Variants in CACNA2D1 observed in about 807,000 individuals in gnomAD.
CACNA2D1 encodes voltage-dependent calcium channel subunit alpha-2/delta-1.
A neutral mutation model predicts 171.5 loss-of-function variants in CACNA2D1; 53 were observed. The ratio of observed to expected loss-of-function variants is 0.31; its 90% CI spans 0.25 to 0.39. The LOEUF is 0.39. CACNA2D1 is among the 10% of genes least tolerant of loss of function. The pLI, the probability that CACNA2D1 is intolerant of heterozygous loss-of-function variation, is 1.00. For missense variants in CACNA2D1, 903 were observed against 1,299.8 expected, an observed-to-expected ratio of 0.69 and a Z score of 4.69; for synonymous variants, 442 against 443.1, an observed-to-expected ratio of 1.00 and a Z score of 0.03.
intron 9 of CACNA2D1, among the ~76,000 whole-genome samples, chr7:82,060,799 A>G (rs961031507): frequency 2.0e-5 from 3 of 152,092 alleles, no homozygotes; most frequent in Non-Finnish European, 4.4e-5. Context: ...AAAAAAAAAT[A>G]TGGATACTGA....
chr7:82,186,189 A>AAGGGAGGGAGGGAGGG lies in CACNA2D1; in HGVS notation c.295-15596_295-15581dup, dbSNP rs539998713. Among the ~76,000 whole-genome samples, 205 of 102,404 alleles carry AAGGGAGGGAGGGAGGG rather than the reference A, an allele frequency of 2.0e-3. 2 individuals are homozygous for AAGGGAGGGAGGGAGGG. The highest frequency in any genetic ancestry group is 7.1e-3 in the African/African-American group (195 of 27,358). The allele number at this position is 102,404 out of a possible 152,430, so 67.2% of individuals were successfully genotyped here. On this transcript the variant is annotated intron_variant, in intron 3 of 38. Coordinates refer to ENST00000356860, the MANE Select transcript of CACNA2D1 (RefSeq NM_000722.4). ...AAAAAAGAGAGAGAAGGAAGGAAGG[A>AAGGGAGGGAGGGAGGG]AGGGAGGGAGGGAGGGAGGGAGGGA...
chr7:82,097,109 G>A (rs73381517), intron 6 of CACNA2D1, among the ~76,000 whole-genome samples: 5,916 of 152,172 alleles, frequency 0.039, 349 homozygotes, highest in African/African-American at 0.13. Flanking sequence ...AGGACCGCAT[G>A]CCTGATCCAG....
At chr7:82,161,565 G>C (rs1191322211) in intron 4 of CACNA2D1, among the ~76,000 whole-genome samples, 1 of 152,014 alleles carries the variant, frequency 6.6e-6, no homozygotes, top group Non-Finnish European at 1.5e-5. Flanking sequence ...TACATGTGGA[G>C]TTATGGCAGA....
intron 3 of CACNA2D1, among the ~76,000 whole-genome samples, chr7:82,246,605 G>A (rs1372580603): frequency 6.6e-6 from 1 of 152,072 alleles, no homozygotes; most frequent in Non-Finnish European, 1.5e-5. Context: ...AATGTTGAAG[G>A]GTAGGGGGCT....
At chr7:82,129,608 T>C (rs1415069479) in intron 5 of CACNA2D1, among the ~76,000 whole-genome samples, 1 of 152,200 alleles carries the variant, frequency 6.6e-6, no homozygotes, top group Non-Finnish European at 1.5e-5. Flanking sequence ...CATTGACTCT[T>C]TCTTTGGGGA....
At chr7:82,343,788 T>G (rs1818948358) in intron 2 of CACNA2D1, among the ~76,000 whole-genome samples, 1 of 152,144 alleles carries the variant, frequency 6.6e-6, no homozygotes, top group East Asian at 1.9e-4. Context: ...TCATACTAAA[T>G]TCATTAAAAC....
At chr7:81,989,382 G>C (rs1797299516) in intron 21 of CACNA2D1, among the ~76,000 whole-genome samples, 1 of 152,188 alleles carries the variant, frequency 6.6e-6, no homozygotes. Flanking sequence ...TTGTGATTGT[G>C]TTGAGAACAG....
chr7:82,229,165 A>T (rs997171646), intron 3 of CACNA2D1, among the ~76,000 whole-genome samples: 10 of 152,172 alleles, frequency 6.6e-5, no homozygotes, highest in South Asian at 4.1e-4. Flanking sequence ...AGTCTAGTAG[A>T]TATGGGTTTA....
intron 5 of CACNA2D1, among the ~76,000 whole-genome samples, chr7:82,135,026 T>C (rs1188381268): frequency 6.6e-6 from 1 of 152,134 alleles, no homozygotes; most frequent in Admixed American, 6.5e-5. Flanking sequence ...ACTTTCTAAA[T>C]AATGAGCAAA....
chr7:82,067,487 A>C (rs997460517), intron 7 of CACNA2D1, among the ~76,000 whole-genome samples: 1 of 152,190 alleles, frequency 6.6e-6, no homozygotes, highest in Non-Finnish European at 1.5e-5. Context: ...ATATGTCAAA[A>C]ACTATATACA....
intron 15 of CACNA2D1, among the ~76,000 whole-genome samples, chr7:82,008,260 C>G (rs1412037455): frequency 2.0e-5 from 3 of 151,970 alleles, no homozygotes; most frequent in Non-Finnish European, 4.4e-5. Flanking sequence ...ATAAAAGAAA[C>G]ATTCTATTGA....
intron 12 of CACNA2D1, among the ~76,000 whole-genome samples, chr7:82,025,401 T>A (rs1801757864): frequency 6.6e-6 from 1 of 151,660 alleles, no homozygotes; most frequent in Non-Finnish European, 1.5e-5. Flanking sequence ...TGTAGTATTC[T>A]TTTTGGGTCT....
intron 1 of CACNA2D1, among the ~76,000 whole-genome samples, chr7:82,416,864 A>T (rs1240947351): frequency 1.3e-5 from 2 of 152,188 alleles, no homozygotes; most frequent in Admixed American, 1.3e-4. Flanking sequence ...GTAATGCCTA[A>T]ATTAGGATTG....
intron 12 of CACNA2D1, among the ~76,000 whole-genome samples, chr7:82,032,338 C>A (rs920422577): frequency 6.6e-6 from 1 of 151,796 alleles, no homozygotes; most frequent in Non-Finnish European, 1.5e-5. Flanking sequence ...GTAGTTTTTG[C>A]TGTTGTAAAC....
In CACNA2D1 at chr7:81,961,938, G is replaced by A. The variant is rs534412371; in HGVS notation, c.2922C>T (p.Asp974=). The change falls in exon 36 of 39, where the codon GAC becomes GAT. Residue 974 remains aspartate, a synonymous_variant. Transcript: ENST00000356860. ...TEQTQYFFDN[D]SKSFSGVLDC... ...CTAATACACCACTGAATGATTTACT[G>A]TCGTTATCGAAGAAATACTGGGTTT... is the stretch of plus-strand genomic sequence containing the variant. 6.2e-7 allele frequency: 1 copy of A among 1,610,968 alleles called. No individual in the cohort carries two copies.
chr7:82,229,771 C>G (rs1802722677), intron 3 of CACNA2D1, among the ~76,000 whole-genome samples: 1 of 151,908 alleles, frequency 6.6e-6, no homozygotes, highest in Non-Finnish European at 1.5e-5. Context: ...CTCAAGTATT[C>G]CTCCCTTCTT....
chr7:82,333,884 T>C (rs887359491), intron 3 of CACNA2D1, among the ~76,000 whole-genome samples: 8 of 152,110 alleles, frequency 5.3e-5, no homozygotes, highest in African/African-American at 1.9e-4. Flanking sequence ...TGAAATAAAT[T>C]ATGTGTATAA....
At chr7:82,148,540 A>C (rs1793418112) in intron 4 of CACNA2D1, among the ~76,000 whole-genome samples, 1 of 152,172 alleles carries the variant, frequency 6.6e-6, no homozygotes, top group African/African-American at 2.4e-5. Flanking sequence ...TGGAATAAAG[A>C]CTTTTCATTA....
At chr7:82,265,062 T>C (rs1001182444) in intron 3 of CACNA2D1, among the ~76,000 whole-genome samples, 6 of 152,160 alleles carry the variant, frequency 3.9e-5, no homozygotes, top group Admixed American at 1.3e-4. Flanking sequence ...TCTTGTAAGT[T>C]ATTGTTGGAG....
Sources: gnomAD v4.1 joint callset for allele counts (sites outside exome capture counted in the v4.1 genomes callset) on GRCh38, gnomAD v4.1.1 for gene constraint, MANE v1.5 for transcripts, NCBI Gene and HGNC (gene_info 2026-07-23, HGNC 2026-07-21) for gene names.